CHLSN: variants seen among roughly 807,000 people sequenced by gnomAD.
CHLSN encodes cholesin, also known as protein cholesin.
the CHLSN span, chr7:1,093,909 C>T: frequency 1.6e-4 from 53 of 333,072 alleles, 1 homozygote; most frequent in South Asian, 1.2e-3. Context: ...ACAGAAAACA[C>T]AGCCCTCCCC....
chr7:1,014,100 G>A, the CHLSN span, among the ~76,000 whole-genome samples: 359 of 152,272 alleles, frequency 2.4e-3, 2 homozygotes, highest in African/African-American at 7.8e-3. Context: ...CGGCACTCGT[G>A]CAGTCAAACA....
the CHLSN span, among the ~76,000 whole-genome samples, chr7:1,064,076 G>A: frequency 6.6e-6 from 1 of 151,494 alleles, no homozygotes. Context: ...ACAGATGTGT[G>A]TGCCTCAGGC....
chr7:1,135,484 T>C, the CHLSN span, among the ~76,000 whole-genome samples: 16 of 152,044 alleles, frequency 1.1e-4, no homozygotes, highest in Middle Eastern at 3.4e-3. Context: ...TGTATGTGTA[T>C]GGCCGGGCAC....
At chr7:1,041,212 A>AATGGG in the CHLSN span, among the ~76,000 whole-genome samples, 1 of 152,178 alleles carries the variant, frequency 6.6e-6, no homozygotes, top group African/African-American at 2.4e-5. Flanking sequence ...CACTGCAGGG[A>AATGGG]ACGGGACCTG....
the CHLSN span, chr7:1,058,014 A>G: frequency 1.3e-6 from 1 of 769,858 alleles, no homozygotes; most frequent in Admixed American, 1.7e-5. Context: ...GCTCTTCTAC[A>G]TCTGCAGCCA....
the CHLSN span, among the ~76,000 whole-genome samples, chr7:1,013,911 A>C: frequency 6.6e-6 from 1 of 152,270 alleles, no homozygotes; most frequent in Admixed American, 6.5e-5. Context: ...CTTGAGGATT[A>C]CATTTGAAAA....
chr7:1,113,020 C>T, the CHLSN span, among the ~76,000 whole-genome samples: 2 of 152,296 alleles, frequency 1.3e-5, no homozygotes, highest in South Asian at 2.1e-4. Context: ...CACCAGGAGC[C>T]GTGCAGTGCA....
At chr7:1,060,779 C>T in the CHLSN span, among the ~76,000 whole-genome samples, 4 of 152,232 alleles carry the variant, frequency 2.6e-5, no homozygotes, top group Non-Finnish European at 5.9e-5. Context: ...TGACCTCCCT[C>T]CCAGTCCCTC....
At chr7:1,125,901 G>A in the CHLSN span, among the ~76,000 whole-genome samples, 296 of 152,226 alleles carry the variant, frequency 1.9e-3, no homozygotes, top group Non-Finnish European at 2.7e-3. Context: ...ATGCTGTTTC[G>A]ATCAACTGCA....
the CHLSN span, among the ~76,000 whole-genome samples, chr7:979,272 C>T: frequency 6.6e-6 from 1 of 152,186 alleles, no homozygotes; most frequent in South Asian, 2.1e-4. Flanking sequence ...TTTCGGGCCT[C>T]AGCTTATCAA....
At chr7:1,019,509 C>T in the CHLSN span, among the ~76,000 whole-genome samples, 14 of 152,198 alleles carry the variant, frequency 9.2e-5, no homozygotes, top group African/African-American at 1.9e-4. Context: ...AAATGCGGAG[C>T]GGGGTCCTCA....
the CHLSN span, among the ~76,000 whole-genome samples, chr7:990,722 G>A: frequency 6.6e-6 from 1 of 152,158 alleles, no homozygotes; most frequent in Non-Finnish European, 1.5e-5. Context: ...CAGGGAGCGA[G>A]TGCTGGCTTC....
At chr7:1,085,546 CA>C in the CHLSN span, among the ~76,000 whole-genome samples, 1 of 152,120 alleles carries the variant, frequency 6.6e-6, no homozygotes, top group African/African-American at 2.4e-5. Flanking sequence ...CAGAGCACCG[CA>C]CAGCGCCCAG....
the CHLSN span, among the ~76,000 whole-genome samples, chr7:1,075,419 G>C: frequency 6.6e-6 from 1 of 151,750 alleles, no homozygotes; most frequent in Non-Finnish European, 1.5e-5. Flanking sequence ...AGCTACTGGG[G>C]AGGCTGAGGC....
At chr7:1,102,220 G>C in the CHLSN span, among the ~76,000 whole-genome samples, 1 of 152,248 alleles carries the variant, frequency 6.6e-6, no homozygotes, top group East Asian at 1.9e-4. Context: ...CACGAGCAAA[G>C]CCAACCGCAT....
chr7:1,009,930 C>A, the CHLSN span: 1 of 1,521,304 alleles, frequency 6.6e-7, no homozygotes, highest in Non-Finnish European at 8.8e-7. Flanking sequence ...GACAGAACCG[C>A]GTGGGGCAGG....
chr7:1,073,169 T>G, the CHLSN span, among the ~76,000 whole-genome samples: 1 of 152,066 alleles, frequency 6.6e-6, no homozygotes, highest in Admixed American at 6.5e-5. Flanking sequence ...AGGAAGGCGC[T>G]CCTCTGGCCT....
At chr7:1,015,030 C>T in the CHLSN span, among the ~76,000 whole-genome samples, 4 of 152,338 alleles carry the variant, frequency 2.6e-5, no homozygotes, top group South Asian at 2.1e-4. Flanking sequence ...GCCGCGTTGC[C>T]GGGCAGGGCC....
chr7:1,105,385 C>T, the CHLSN span, among the ~76,000 whole-genome samples: 1 of 152,176 alleles, frequency 6.6e-6, no homozygotes, highest in African/African-American at 2.4e-5. Context: ...GGGTGACGCC[C>T]CAGCCTCTAA....
Sources: allele counts gnomAD v4.1 joint callset (sites outside exome capture counted in the v4.1 genomes callset), GRCh38; gene constraint gnomAD v4.1.1; transcripts MANE v1.5; gene names NCBI Gene and HGNC (gene_info 2026-07-23, HGNC 2026-07-21).